OTOF: variants seen among roughly 807,000 people sequenced by gnomAD.
OTOF encodes fer-1-like family member 2.
Under a neutral mutation model 236.8 loss-of-function variants are expected in OTOF, and 218 were observed. The observed-to-expected ratio is 0.92, with a 90% CI of 0.82 to 1.03. The LOEUF (loss-of-function observed/expected upper bound fraction) is 1.03, where lower values mean the gene tolerates loss of function less well. Ranked by LOEUF, OTOF falls within the 50% of genes least tolerant of loss-of-function variation. OTOF has a pLI of 0.00. For synonymous variants in OTOF, 1,041 were observed against 1,072.5 expected (o/e 0.97, Z 0.57); for missense variants, 2,590 against 2,694.4 (o/e 0.96, Z 0.86).
rs1664378189 is a variant in OTOF at position 26,459,939 on chromosome 2, T to A, written c.*17+69A>T. 2.1e-6 allele frequency: 3 copies of A among 1,399,796 alleles called. No individual in the cohort carries two copies. In the East Asian group the frequency reaches 7.5e-5, roughly 35 times the overall value. The allele number at this position is 1,399,796 out of a possible 1,614,324, so 86.7% of individuals were successfully genotyped here. ...ATATTTGTGTTTGTGGATGTGTGCG[T>A]GTATATGTGTGTGTGTGCACGCGCC... On this transcript the variant is annotated intron_variant, in intron 46 of 46. Coordinates refer to ENST00000272371, the MANE Select transcript of OTOF (RefSeq NM_194248.3).
At chr2:26,518,925 G>C (rs1666603319) in intron 4 of OTOF, 85 bp downstream of exon 4, 1 of 964,510 alleles carries the variant, frequency 1.0e-6, no homozygotes, top group Non-Finnish European at 1.6e-6. Flanking sequence ...GCATTCCCCA[G>C]ACCACCCCAT....
At chr2:26,508,385 T>C (rs1368373176) in intron 5 of OTOF, among the ~76,000 whole-genome samples, 1 of 152,230 alleles carries the variant, frequency 6.6e-6, no homozygotes, top group Non-Finnish European at 1.5e-5. Flanking sequence ...GTGTTGAATG[T>C]CAGTTAGTTT....
At position 26,470,838 on chromosome 2, in the gene OTOF, T is replaced by TG; in HGVS notation, c.3895-118dup. 1.3e-6 allele frequency: 2 copies of TG among 1,531,006 alleles called. No homozygotes were observed. Among genetic ancestry groups the TG allele is most frequent in the Non-Finnish European group, 8.8e-7 (1 of 1,137,506 alleles). The allele number at this position is 1,531,006 out of a possible 1,614,324, so 94.8% of individuals were successfully genotyped here. The stretch of plus-strand genomic sequence containing the variant: ...AAGCCTTGGGCTCCATGAGGCTCTG[T>TG]GGGGCCACCCATGTCCAAGGGGCAG... On this transcript the variant is annotated intron_variant, in intron 31 of 46. Transcript: ENST00000272371. The surrounding 1 kb of genome is among the most constrained non-coding windows in gnomAD (Gnocchi z 4.3).
chr2:26,463,053 T>C (rs760478630), intron 41 of OTOF, among the ~76,000 whole-genome samples: 3 of 152,172 alleles, frequency 2.0e-5, no homozygotes, highest in Non-Finnish European at 1.5e-5. Context: ...GATGTGAGGA[T>C]GACGCAGGGC....
At chr2:26,467,278 C>G in intron 34 of OTOF, 45 bp from the exon 35 acceptor site, 1 of 1,614,008 alleles carries the variant, frequency 6.2e-7, no homozygotes, top group Non-Finnish European at 8.5e-7. Context: ...TGGTCTCTGG[C>G]TTTTGTCCTG....
intron 2 of OTOF, among the ~76,000 whole-genome samples, 173 bp from the exon 3 acceptor site, chr2:26,528,093 C>T (rs756821002): frequency 6.6e-6 from 1 of 152,154 alleles, no homozygotes; most frequent in Non-Finnish European, 1.5e-5. Flanking sequence ...GTTCCAACAA[C>T]CACCTTGTAG....
chr2:26,545,913 A>G (rs1471057740), intron 1 of OTOF, among the ~76,000 whole-genome samples: 1 of 152,140 alleles, frequency 6.6e-6, no homozygotes, highest in Non-Finnish European at 1.5e-5. Context: ...TTAACTTTAT[A>G]GTTAGACTTA....
intron 18 of OTOF, among the ~76,000 whole-genome samples, chr2:26,478,953 C>G (rs1665439294): frequency 6.6e-6 from 1 of 152,248 alleles, no homozygotes; most frequent in Non-Finnish European, 1.5e-5. Context: ...CCTGCCTTGG[C>G]CTCCCAAAGT....
intron 2 of OTOF, among the ~76,000 whole-genome samples, chr2:26,537,403 C>T (rs1017381711): frequency 6.6e-6 from 1 of 152,214 alleles, no homozygotes; most frequent in Non-Finnish European, 1.5e-5. Flanking sequence ...GTCTACAGCA[C>T]CTGTGGGCTC....
At position 26,470,083 on chromosome 2, in the gene OTOF, T is replaced by C. The variant is rs4665327; in HGVS notation, c.4023+510A>G. Among the ~76,000 whole-genome samples the C allele has an allele frequency of 6.6e-6, 1 of 152,014 alleles. No individual in the cohort carries two copies. Among genetic ancestry groups the C allele is most frequent in the Admixed American group, 6.6e-5 (1 of 15,264 alleles). On this transcript the variant is annotated intron_variant, in intron 32 of 46. Transcript: ENST00000272371. The surrounding 1 kb of genome is among the most constrained non-coding windows in gnomAD (Gnocchi z 4.3). ...TGACCAAGATGTGTAAAATAAAACA[T>C]TATGAAGAAGAGTCGTAAGGACTAC...
intron 18 of OTOF, 125 bp downstream of exon 18, chr2:26,479,139 G>A (rs914035191): frequency 8.0e-6 from 10 of 1,253,662 alleles, no homozygotes; most frequent in African/African-American, 3.0e-5. Context: ...TGGGAACAGA[G>A]GTCCTGCTGG....
At chr2:26,524,155 A>G (rs1666745375) in intron 3 of OTOF, among the ~76,000 whole-genome samples, 1 of 152,230 alleles carries the variant, frequency 6.6e-6, no homozygotes. Context: ...AGGGAAGAAG[A>G]GGAGAGTTAG....
Position 26,552,776 on chromosome 2 carries a change from T to A in OTOF, c.79+5717A>T, listed in dbSNP as rs550948556. ...TGAAGAATGGAGGATGCAGGGGGCA[T>A]ATCCGTTAGGACTAAAACAAAAGCG... On this transcript the variant is annotated intron_variant, in intron 1 of 46. Transcript: ENST00000272371. 3.3e-5 allele frequency among the ~76,000 whole-genome samples: 5 copies of A among 152,214 alleles called. No individual in the cohort carries two copies. In the South Asian group the frequency reaches 8.3e-4, roughly 25 times the overall value.
In OTOF at chr2:26,503,852, G is replaced by C. The variant is rs1317806061; in HGVS notation, c.510-7C>G. 2 of 1,613,502 alleles carry C rather than the reference G, an allele frequency of 1.2e-6. No individual in the cohort carries two copies. Among genetic ancestry groups the C allele is most frequent in the Non-Finnish European group, 1.7e-6 (2 of 1,179,524 alleles). On this transcript the variant is annotated splice_region_variant and splice_polypyrimidine_tract_variant and intron_variant, in intron 5 of 46. Coordinates refer to ENST00000272371, the MANE Select transcript of OTOF (RefSeq NM_194248.3). ...GAACACGCTCCTCCCGGCTCTGTGA[G>C]GGGGGCCACCAGAATGAGGTGCAGG...
Position 26,463,963 on chromosome 2 carries a change from C to T in OTOF, c.5103+1G>A. 1 of 1,613,588 alleles carries T rather than the reference C, an allele frequency of 6.2e-7. No homozygotes were observed. On this transcript the variant is annotated splice_donor_variant, in intron 40 of 46. Transcript: ENST00000272371. LOFTEE classifies it high-confidence loss of function. ...CCCAGTCTTGGCCATGCAAGTGTCA[C>T]CTGCTCGATGCCCGGCTTGTCGGGG...
At position 26,551,147 on chromosome 2, in the gene OTOF, G is replaced by A. The variant is rs142166979; in HGVS notation, c.79+7346C>T. Reference sequence around the variant, plus strand: ...TGGGATTATAGGCGTGCACCACCACGCCCGGCTAATTTTTGTGTTTTTAGT... The same window carrying A: ...TGGGATTATAGGCGTGCACCACCACACCCGGCTAATTTTTGTGTTTTTAGT... On this transcript the variant is annotated intron_variant, in intron 1 of 46. Transcript: ENST00000272371. Among the ~76,000 whole-genome samples, 1,148 of 152,222 alleles carry A rather than the reference G, an allele frequency of 7.5e-3. 13 individuals carry two copies. Among genetic ancestry groups the A allele is most frequent in the African/African-American group, 0.026 (1,099 of 41,544 alleles).
intron 5 of OTOF, among the ~76,000 whole-genome samples, chr2:26,515,698 T>C (rs1666506554): frequency 6.6e-6 from 1 of 152,214 alleles, no homozygotes; most frequent in South Asian, 2.1e-4. Flanking sequence ...CTTGACTTAC[T>C]GGCATTTAAC....
chr2:26,506,765 C>T (rs914362732), intron 5 of OTOF, among the ~76,000 whole-genome samples: 2 of 152,216 alleles, frequency 1.3e-5, no homozygotes, highest in African/African-American at 4.8e-5. Flanking sequence ...TTTGGGAGGC[C>T]GAGGCAGGTG....
chr2:26,486,279 T>C (rs1462242012), intron 11 of OTOF, among the ~76,000 whole-genome samples: 1 of 90,102 alleles, frequency 1.1e-5, no homozygotes, highest in East Asian at 3.4e-4. Context: ...GATGGATATA[T>C]GGGTGAGTGG....
Sources: allele counts gnomAD v4.1 joint callset (sites outside exome capture counted in the v4.1 genomes callset), GRCh38; gene constraint gnomAD v4.1.1; non-coding constraint Gnocchi (gnomAD v3.1); transcripts MANE v1.5; gene names NCBI Gene and HGNC (gene_info 2026-07-23, HGNC 2026-07-21).